Variants in PYROXD1 observed in about 807,000 individuals in gnomAD.
PYROXD1 encodes the protein pyridine nucleotide-disulphide oxidoreductase domain 1.
A neutral mutation model predicts 62.0 loss-of-function variants in PYROXD1; 42 were observed. That is an observed-to-expected ratio of 0.68 (90% CI 0.53 to 0.88). The LOEUF is 0.88. Among genes scored for constraint, PYROXD1 ranks in the 40% least tolerant of loss-of-function variants. The pLI is 0.00. For missense variants in PYROXD1, 493 were observed against 604.8 expected, an observed-to-expected ratio of 0.82 and a Z score of 1.94; for synonymous variants, 170 against 206.4, an observed-to-expected ratio of 0.82 and a Z score of 1.51.
At chr12:21,437,887 A>T in intron 1 of PYROXD1, 73 bp downstream of exon 1, 1 of 1,303,978 alleles carries the variant, frequency 7.7e-7, no homozygotes, top group East Asian at 2.6e-5. Context: ...CCTTCCTCCC[A>T]CCCCCTCCCT....
chr12:21,470,052 C>G lies in PYROXD1; in HGVS notation c.*1298C>G. 2 of 680,276 alleles carry G rather than the reference C, an allele frequency of 2.9e-6. No homozygotes were observed. Among genetic ancestry groups the G allele is most frequent in the Non-Finnish European group, 4.5e-6 (2 of 442,226 alleles). 42.1% of individuals were successfully genotyped at this position (680,276 alleles called of 1,614,324 possible). On this transcript the variant is annotated 3_prime_UTR_variant, in exon 12 of 12. Coordinates refer to ENST00000240651, the MANE Select transcript of PYROXD1 (RefSeq NM_024854.5). Reference sequence around the variant, plus strand: ...TTCAAACATTCTCAAAAGTTTAGATCTTCAGAGATAAGCTCTGAAAATATA... The same window carrying G: ...TTCAAACATTCTCAAAAGTTTAGATGTTCAGAGATAAGCTCTGAAAATATA...
chr12:21,471,010 T>C lies in PYROXD1; in HGVS notation c.*2256T>C. ...GTGGACTTTGTCACTTGCATAGTAA[T>C]AGCATGTGCCTCATTGTTCAGAAGA... On this transcript the variant is annotated 3_prime_UTR_variant, in exon 12 of 12. Transcript: ENST00000240651. The C allele has an allele frequency of 1.3e-6, 2 of 1,591,564 alleles. No individual in the cohort carries two copies. The highest frequency in any genetic ancestry group is 2.3e-5 in the East Asian group (1 of 43,046).
intron 10 of PYROXD1, 69 bp from the exon 11 acceptor site, chr12:21,467,412 A>C: frequency 2.8e-6 from 4 of 1,434,540 alleles, no homozygotes; most frequent in Non-Finnish European, 2.8e-6. Context: ...AAGTGAATTT[A>C]CAAGGTTAAC....
At chr12:21,468,359 T>C in intron 11 of PYROXD1, 147 bp from the exon 12 acceptor site, 1 of 679,716 alleles carries the variant, frequency 1.5e-6, no homozygotes, top group South Asian at 2.0e-5. Context: ...TGAAACATTT[T>C]CTTTGGGACT....
At chr12:21,461,678 A>C (rs1942700385) in intron 8 of PYROXD1, among the ~76,000 whole-genome samples, 1 of 152,082 alleles carries the variant, frequency 6.6e-6, no homozygotes, top group Non-Finnish European at 1.5e-5. Flanking sequence ...CTAAACACTT[A>C]AGTGGAGTGT....
chr12:21,457,446 T>G (rs1299024805), intron 7 of PYROXD1, among the ~76,000 whole-genome samples: 4 of 152,082 alleles, frequency 2.6e-5, no homozygotes. Flanking sequence ...TTTTTTTTTT[T>G]TTCTGAGCAG....
intron 10 of PYROXD1, among the ~76,000 whole-genome samples, chr12:21,466,728 C>T (rs1363020219): frequency 6.6e-6 from 1 of 152,098 alleles, no homozygotes; most frequent in Non-Finnish European, 1.5e-5. Flanking sequence ...AGAGGGCATC[C>T]CTGTCTTATG....
In PYROXD1 at chr12:21,445,452, A is replaced by C. The variant is rs1305247199; in HGVS notation, c.271A>C (p.Lys91Gln). 1.3e-5 allele frequency: 21 copies of C among 1,596,214 alleles called. No individual in the cohort carries two copies. In the Admixed American group the frequency reaches 3.8e-4, roughly 29 times the overall value. The stretch of plus-strand genomic sequence containing the variant: ...TATAGAATCTGGCGTAAAGCAACTG[A>C]AGAGTGAAGAACACGTAAGATAATT... ...KVIESGVKQL[K>Q]SEEHCIVTED... is the part of the protein sequence containing the mutation. The change falls in exon 3 of 12, where the codon AAG (lysine) becomes CAG (glutamine). Residue 91 changes from lysine to glutamine, a missense_variant. This residue lies in a region of PYROXD1 where 164 missense variants were observed against 158.2 expected (regional missense o/e 1.04). Transcript: ENST00000240651.
chr12:21,464,854 G>C (rs1206331397), intron 10 of PYROXD1, among the ~76,000 whole-genome samples: 2 of 152,084 alleles, frequency 1.3e-5, no homozygotes, highest in African/African-American at 2.4e-5. Flanking sequence ...GGTGTGTGAT[G>C]TTCCCCTTCC....
In PYROXD1 at chr12:21,457,206, A is replaced by G. The variant is rs189406140; in HGVS notation, c.750+1111A>G. 13 of 211,558 alleles carry G rather than the reference A, an allele frequency of 6.1e-5. No individual in the cohort carries two copies. In the East Asian group the frequency reaches 1.0e-3, roughly 17 times the overall value. 13.1% of individuals were successfully genotyped at this position (211,558 alleles called of 1,614,324 possible). The stretch of plus-strand genomic sequence containing the variant: ...ATTCTTTCCAGAAGGTTTTCAATGT[A>G]CTTTTCCCAGATCCATCAGATGCAT... On this transcript the variant is annotated intron_variant, in intron 7 of 11. Coordinates refer to ENST00000240651, the MANE Select transcript of PYROXD1 (RefSeq NM_024854.5).
Position 21,449,566 on chromosome 12 carries a change from A to G in PYROXD1, c.289A>G (p.Ile97Val), listed in dbSNP as rs1237361246. The G allele has an allele frequency of 1.2e-6, 2 of 1,612,334 alleles. No homozygotes were observed. Among genetic ancestry groups the G allele is most frequent in the Admixed American group, 1.7e-5 (1 of 59,736 alleles). Residue 97 changes from isoleucine (I) to valine (V), a missense_variant, in exon 4 of 12, where the codon ATT becomes GTT. Physicochemically the swap from Ile to Val is conservative, Grantham distance 29 (BLOSUM62 3). This residue lies in a region of PYROXD1 where 164 missense variants were observed against 158.2 expected (regional missense o/e 1.04). Transcript: ENST00000240651. ...VKQLKSEEHC[I>V]VTEDGNQHVY... ...TCATTGTTTGATGTATTTACAGTGC[A>G]TTGTAACAGAAGATGGCAATCAGCA...
chr12:21,440,517 G>T, intron 2 of PYROXD1, 69 bp downstream of exon 2: 1 of 823,766 alleles, frequency 1.2e-6, no homozygotes, highest in Non-Finnish European at 2.0e-6. Context: ...AGCAGTTAGG[G>T]TAATTGTGTA....
chr12:21,454,904 G>C (rs543939461), intron 5 of PYROXD1: 12 of 306,164 alleles, frequency 3.9e-5, no homozygotes, highest in Non-Finnish European at 6.6e-5. Context: ...ACATGTATTT[G>C]TCACTTAAAG....
chr12:21,445,196 G>A, intron 2 of PYROXD1, 151 bp from the exon 3 acceptor site: 1 of 750,986 alleles, frequency 1.3e-6, no homozygotes, highest in Non-Finnish European at 1.9e-6. Flanking sequence ...GCTGAGTCTA[G>A]TCCTCTTTCC....
At chr12:21,465,981 A>AT (rs1050961431) in intron 10 of PYROXD1, among the ~76,000 whole-genome samples, 1 of 152,146 alleles carries the variant, frequency 6.6e-6, no homozygotes, top group Admixed American at 6.5e-5. Flanking sequence ...AGTTGTAGAT[A>AT]TGAGGCATTA....
intron 2 of PYROXD1, 124 bp downstream of exon 2, chr12:21,440,572 C>G: frequency 1.8e-6 from 1 of 569,312 alleles, no homozygotes; most frequent in Non-Finnish European, 3.1e-6. Flanking sequence ...ATATGCTGTA[C>G]AACATGATGT....
intron 5 of PYROXD1, 121 bp downstream of exon 5, chr12:21,452,275 C>G (rs1942515113): frequency 1.5e-6 from 1 of 653,934 alleles, no homozygotes; most frequent in South Asian, 4.1e-5. Flanking sequence ...GTTTTTTATT[C>G]TGAAAATCAA....
chr12:21,464,927 T>C (rs191411493), intron 10 of PYROXD1, among the ~76,000 whole-genome samples: 1 of 152,292 alleles, frequency 6.6e-6, no homozygotes, highest in East Asian at 1.9e-4. Context: ...GTGTTTGGTT[T>C]TTTGTCCTTG....
At chr12:21,452,735 G>T (rs1037495984) in intron 5 of PYROXD1, among the ~76,000 whole-genome samples, 7 of 152,092 alleles carry the variant, frequency 4.6e-5, no homozygotes, top group Non-Finnish European at 1.0e-4. Context: ...GCTGTGTCCT[G>T]CAGAAGATTG....
Sources: allele counts gnomAD v4.1 joint callset (sites outside exome capture counted in the v4.1 genomes callset), GRCh38; gene constraint gnomAD v4.1.1; regional missense constraint gnomAD v4.1.1; transcripts MANE v1.5; gene names NCBI Gene and HGNC (gene_info 2026-07-23, HGNC 2026-07-21).